Variants in KY observed in about 807,000 individuals in gnomAD.
The protein encoded by KY is kyphoscoliosis peptidase.
Under a neutral mutation model 76.1 loss-of-function variants are expected in KY, and 43 were observed. That is an observed-to-expected ratio of 0.57 (90% confidence interval 0.44 to 0.73). The LOEUF (loss-of-function observed/expected upper bound fraction) is 0.73, where lower values mean the gene tolerates loss of function less well. Among genes scored for constraint, KY ranks in the 30% least tolerant of loss-of-function variants. KY has a pLI of 0.00. For synonymous variants in KY, 277 were observed against 326.2 expected (o/e 0.85, Z 1.63); for missense variants, 722 against 828.9 (o/e 0.87, Z 1.58).
chr3:134,606,309 A>C (rs1959198811), intron 10 of KY, among the ~76,000 whole-genome samples: 1 of 152,148 alleles, frequency 6.6e-6, no homozygotes, highest in Non-Finnish European at 1.5e-5. Context: ...GGCTCACGGC[A>C]GAGCCCTCAA....
At chr3:134,639,030 G>A (rs1393460383) in intron 3 of KY, among the ~76,000 whole-genome samples, 3 of 138,078 alleles carry the variant, frequency 2.2e-5, no homozygotes, top group South Asian at 4.6e-4. Flanking sequence ...TCTATAACAG[G>A]TTGGCACATT....
At chr3:134,615,364 T>C (rs1961342745) in intron 8 of KY, 1 of 151,242 alleles carries the variant, frequency 6.6e-6, no homozygotes, top group Admixed American at 6.6e-5. Context: ...TTTTTTTTTT[T>C]TTTTTTCACG....
intron 10 of KY, among the ~76,000 whole-genome samples, 168 bp from the exon 11 acceptor site, chr3:134,604,642 A>G (rs1183499150): frequency 6.6e-6 from 1 of 152,092 alleles, no homozygotes; most frequent in Non-Finnish European, 1.5e-5. Flanking sequence ...AACCAATATG[A>G]CTTCACTGAG....
chr3:134,605,555 T>C (rs1247365456), intron 10 of KY, among the ~76,000 whole-genome samples: 1 of 152,170 alleles, frequency 6.6e-6, no homozygotes, highest in Admixed American at 6.5e-5. Context: ...GCCAGCATGA[T>C]GGGGAGGCTG....
At chr3:134,646,756 C>T (rs1181856064) in intron 2 of KY, among the ~76,000 whole-genome samples, 1 of 152,176 alleles carries the variant, frequency 6.6e-6, no homozygotes, top group African/African-American at 2.4e-5. Context: ...TGATGGAGTT[C>T]TCTACTGGGG....
chr3:134,650,790 G>GGGGGACCC lies in KY; in HGVS notation c.136+27_136+34dup, dbSNP rs754201933. 2.1e-4 allele frequency: 320 copies of GGGGGACCC among 1,533,910 alleles called. 3 individuals are homozygous for GGGGGACCC. The highest frequency in any genetic ancestry group is 1.3e-3 in the South Asian group (100 of 79,210). On this transcript the variant is annotated intron_variant, in intron 1 of 10. Transcript: ENST00000423778. ...CTTGTGGCAAGGAGGCCAAGGTGCC[G>GGGGGACCC]GGGGACCCGGGGACCCGGGTCGGGC...
chr3:134,608,374 T>C, intron 10 of KY: 5 of 1,384,646 alleles, frequency 3.6e-6, no homozygotes, highest in Non-Finnish European at 4.8e-6. Flanking sequence ...CTAGGAAACC[T>C]GCAGCCTTCA....
chr3:134,627,270 G>C (rs144371039), intron 5 of KY, among the ~76,000 whole-genome samples: 2 of 152,228 alleles, frequency 1.3e-5, no homozygotes, highest in African/African-American at 4.8e-5. Flanking sequence ...AAGAAGTATG[G>C]AGCTGCACCC....
In KY at chr3:134,604,431, C is replaced by T; in HGVS notation, c.1134G>A (p.Thr378=). Residue 378 remains threonine, a synonymous_variant, in exon 11 of 11, where the codon ACG becomes ACA. Transcript: ENST00000423778. ...ATVTIESCAP[T]LFMFMLNGKQ... is the part of the protein sequence containing the mutation. ...TGCCATTGAGCATGAACATGAACAG[C>T]GTCGGGGCGCAGCTCTCAATGGTGA... 6.2e-7 allele frequency: 1 copy of T among 1,613,402 alleles called. No individual in the cohort carries two copies. Among genetic ancestry groups the T allele is most frequent in the Non-Finnish European group, 8.5e-7 (1 of 1,179,646 alleles).
Position 134,610,179 on chromosome 3 carries a change from TG to T in KY, c.899+15del. On this transcript the variant is annotated intron_variant, in intron 9 of 10. Coordinates refer to ENST00000423778, the MANE Select transcript of KY (RefSeq NM_178554.6). ...CCACCTGCCAGACGCCCAGCAGAACTGAGACAAGTACTTACAGGAAGGTGAA... is the reference window on the plus strand; with the variant it reads ...CCACCTGCCAGACGCCCAGCAGAACTAGACAAGTACTTACAGGAAGGTGAA... 1.9e-6 allele frequency: 3 copies of T among 1,606,416 alleles called. No homozygotes were observed. The highest frequency in any genetic ancestry group is 2.6e-6 in the Non-Finnish European group (3 of 1,175,524).
At chr3:134,643,139 C>T (rs529270223) in intron 3 of KY, among the ~76,000 whole-genome samples, 177 bp downstream of exon 3, 1 of 151,964 alleles carries the variant, frequency 6.6e-6, no homozygotes, top group South Asian at 2.1e-4. Context: ...ACTGTGCAGC[C>T]TCTTGCTGCT....
intron 10 of KY, chr3:134,607,716 C>G (rs1260363716): frequency 1.0e-6 from 1 of 985,752 alleles, no homozygotes; most frequent in Non-Finnish European, 1.2e-6. Context: ...TGCAAACATA[C>G]TCAGCTGCCA....
chr3:134,626,386 T>A (rs964946370), intron 5 of KY, among the ~76,000 whole-genome samples: 2 of 152,216 alleles, frequency 1.3e-5, no homozygotes, highest in East Asian at 3.9e-4. Flanking sequence ...TGGGAGGGAC[T>A]GGACCCAGCC....
chr3:134,607,505 C>T (rs1041848961), intron 10 of KY: 2 of 985,574 alleles, frequency 2.0e-6, no homozygotes, highest in African/African-American at 3.5e-5. Flanking sequence ...GAGACGGTGC[C>T]ACCAGGCAGT....
rs1015583830 is a variant in KY, at chr3:134,603,320, A to T, written c.*259T>A. ...GCATCTGGATGCAGGTGTACAGTTT[A>T]CAATACCTTAGATTTACATAGCACC... is the stretch of plus-strand genomic sequence containing the variant. On this transcript the variant is annotated 3_prime_UTR_variant, in exon 11 of 11. Coordinates refer to ENST00000423778, the MANE Select transcript of KY (RefSeq NM_178554.6). 7.6e-6 allele frequency: 3 copies of T among 392,322 alleles called. No individual in the cohort carries two copies. Among genetic ancestry groups the T allele is most frequent in the East Asian group, 8.3e-5 (2 of 24,108 alleles). 24.3% of individuals were successfully genotyped at this position (392,322 alleles called of 1,614,324 possible).
At chr3:134,643,951 G>A (rs1017840886) in intron 2 of KY, among the ~76,000 whole-genome samples, 4 of 151,534 alleles carry the variant, frequency 2.6e-5, no homozygotes, top group South Asian at 2.1e-4. Context: ...CTCCACCTCC[G>A]GAGCAGCTGG....
At chr3:134,628,345 G>T (rs998502396) in intron 4 of KY, among the ~76,000 whole-genome samples, 2 of 152,192 alleles carry the variant, frequency 1.3e-5, no homozygotes, top group Non-Finnish European at 2.9e-5. Flanking sequence ...AGGCAGAATT[G>T]TAGCCAATAG....
intron 4 of KY, chr3:134,628,199 C>T (rs1253615181): frequency 9.3e-6 from 2 of 214,490 alleles, no homozygotes. Flanking sequence ...TAAGAACTGA[C>T]CATGGATGGA....
intron 10 of KY, chr3:134,608,130 A>G: frequency 8.8e-7 from 1 of 1,132,138 alleles, no homozygotes; most frequent in Non-Finnish European, 1.1e-6. Flanking sequence ...TGGTTGGACC[A>G]CCAACACCCA....
Sources: allele counts gnomAD v4.1 joint callset (sites outside exome capture counted in the v4.1 genomes callset), GRCh38; gene constraint gnomAD v4.1.1; transcripts MANE v1.5; gene names NCBI Gene and HGNC (gene_info 2026-07-23, HGNC 2026-07-21).